The following LZTR1 variants were observed in gnomAD, a reference collection of about 807,000 sequenced individuals.
LZTR1 encodes the protein leucine zipper like post translational regulator 1.
A neutral mutation model predicts 105.7 loss-of-function variants in LZTR1; 260 were observed. That is an observed-to-expected ratio of 2.46 (90% CI 2.22 to 2.72). The LOEUF is 2.72. Among genes scored for constraint, LZTR1 ranks in the 30% most tolerant of loss-of-function variants. The pLI is 0.00. For missense variants in LZTR1, 1,214 were observed against 1,166.9 expected (o/e 1.04, Z -0.59); for synonymous variants, 490 against 476.4 (o/e 1.03, Z -0.37).
At chr22:20,995,668 T>C (rs1008415388) in intron 16 of LZTR1, 78 bp from the exon 17 acceptor site, 5 of 1,557,390 alleles carry the variant, frequency 3.2e-6, no homozygotes, top group African/African-American at 1.4e-5. Flanking sequence ...CATGGGCAGA[T>C]ATGCAGGAAG....
At chr22:20,993,338 G>T in intron 11 of LZTR1, 1 of 490,050 alleles carries the variant, frequency 2.0e-6, no homozygotes, top group Admixed American at 3.3e-5. Flanking sequence ...GTGCTGGTGG[G>T]GGCCAGTGTG....
In LZTR1 at chr22:20,993,819, A is replaced by G. The variant is rs528526369; in HGVS notation, c.1353+65A>G. On this transcript the variant is annotated intron_variant, in intron 12 of 20. Transcript: ENST00000646124. ...CTGGGCAGTGGGAATTTCGCCCCTC[A>G]GAAAAACAGCTGCTGGCCTGGTGGT... is the stretch of plus-strand genomic sequence containing the variant. 2.7e-5 allele frequency: 42 copies of G among 1,574,490 alleles called. No homozygotes were observed. The East Asian group carries it at 8.7e-4, about 32-fold the overall frequency.
intron 8 of LZTR1, 198 bp downstream of exon 8, chr22:20,990,723 A>T: frequency 1.7e-6 from 1 of 586,946 alleles, no homozygotes; most frequent in Non-Finnish European, 2.9e-6. Flanking sequence ...GCTTAGCAAG[A>T]TAAGGCCTGG....
intron 7 of LZTR1, 35 bp from the exon 8 acceptor site, chr22:20,990,351 T>C: frequency 6.2e-7 from 1 of 1,613,472 alleles, no homozygotes; most frequent in South Asian, 1.1e-5. Context: ...GCGGGCCCTG[T>C]GAGGCCGGGG....
intron 9 of LZTR1, among the ~76,000 whole-genome samples, 190 bp downstream of exon 9, chr22:20,992,019 T>G (rs1177612391): frequency 2.0e-5 from 3 of 152,200 alleles, no homozygotes; most frequent in Admixed American, 6.5e-5. Flanking sequence ...CCCCACAGCC[T>G]GCAGGTAGTT....
At chr22:20,994,296 G>T (rs773088734) in intron 14 of LZTR1, 27 bp downstream of exon 14, 3 of 1,593,310 alleles carry the variant, frequency 1.9e-6, no homozygotes, top group Non-Finnish European at 2.5e-6. Flanking sequence ...GTGGAGCAGG[G>T]TTGGTGTGGG....
Position 20,998,410 on chromosome 22 carries a change from C to T in LZTR1, c.*1062C>T, listed in dbSNP as rs1379072567. On this transcript the variant is annotated 3_prime_UTR_variant, in exon 21 of 21. Coordinates refer to ENST00000646124, the MANE Select transcript of LZTR1 (RefSeq NM_006767.4). ...GTGGAAGGAGGGCTGCCCTCTTGCCCTAGTGAGGGCCCCATGTGGATCCAC... is the reference window on the plus strand; with the variant it reads ...GTGGAAGGAGGGCTGCCCTCTTGCCTTAGTGAGGGCCCCATGTGGATCCAC... 6.6e-6 allele frequency: 1 copy of T among 152,336 alleles called. No homozygotes were observed. Among genetic ancestry groups the T allele is most frequent in the Non-Finnish European group, 1.5e-5 (1 of 68,128 alleles). The allele number at this position is 152,336 out of a possible 1,614,324, so 9.4% of individuals were successfully genotyped here.
chr22:20,985,153 C>G (rs575929032), intron 2 of LZTR1, among the ~76,000 whole-genome samples: 1 of 151,344 alleles, frequency 6.6e-6, no homozygotes, highest in African/African-American at 2.4e-5. Flanking sequence ...CTCTGCCTCC[C>G]GGGTTCAAGC....
chr22:20,984,738 G>C (rs1006638738), intron 2 of LZTR1, among the ~76,000 whole-genome samples: 1 of 152,068 alleles, frequency 6.6e-6, no homozygotes, highest in Admixed American at 6.5e-5. Context: ...AGGTGAGAGA[G>C]CACCCACTGG....
At chr22:20,997,129 C>T (rs762852156) in intron 20 of LZTR1, 103 bp from the exon 21 acceptor site, 1 of 1,115,486 alleles carries the variant, frequency 9.0e-7, no homozygotes. Context: ...ATCCTTGGGA[C>T]CAGCCTGAGC....
At chr22:20,989,526 G>C in intron 6 of LZTR1, 99 bp from the exon 7 acceptor site, 1 of 952,474 alleles carries the variant, frequency 1.0e-6, no homozygotes, top group East Asian at 2.4e-5. Context: ...TACCCTGTGT[G>C]GGGGTGGGGC....
intron 1 of LZTR1, among the ~76,000 whole-genome samples, 169 bp from the exon 2 acceptor site, chr22:20,982,858 G>A (rs1348974149): frequency 6.6e-6 from 1 of 152,204 alleles, no homozygotes; most frequent in Non-Finnish European, 1.5e-5. Context: ...CTGGAGCCGT[G>A]TCAGGGGTCC....
intron 4 of LZTR1, 146 bp downstream of exon 4, chr22:20,987,729 A>C: frequency 1.3e-6 from 1 of 767,990 alleles, no homozygotes; most frequent in Non-Finnish European, 2.2e-6. Context: ...AGTCTTCGGA[A>C]TTCTGCGCTG....
intron 18 of LZTR1, 134 bp downstream of exon 18, chr22:20,996,246 G>A: frequency 1.0e-6 from 1 of 995,738 alleles, no homozygotes; most frequent in Non-Finnish European, 1.5e-6. Flanking sequence ...AGGGTTTGCT[G>A]GTGCCTGGGG....
intron 18 of LZTR1, chr22:20,996,410 T>C (rs1351148241): frequency 1.7e-6 from 1 of 591,666 alleles, no homozygotes. Context: ...AGGTACTCCT[T>C]ATGTCACTTC....
At chr22:20,987,782 T>A (rs1049888837) in intron 4 of LZTR1, among the ~76,000 whole-genome samples, 199 bp downstream of exon 4, 1 of 152,222 alleles carries the variant, frequency 6.6e-6, no homozygotes, top group Admixed American at 6.5e-5. Flanking sequence ...CTCACAGGGT[T>A]GGGTGTCTTT....
chr22:20,991,342 G>T, intron 8 of LZTR1: 1 of 478,296 alleles, frequency 2.1e-6, no homozygotes, highest in Non-Finnish European at 3.7e-6. Context: ...CTGCCTGGGC[G>T]GGTCAGATGC....
chr22:20,990,815 A>G, intron 8 of LZTR1: 1 of 377,922 alleles, frequency 2.6e-6, no homozygotes, highest in South Asian at 2.8e-5. Context: ...TGCCACCAGT[A>G]ACAGACGTGG....
At chr22:20,987,719 A>T in intron 4 of LZTR1, 136 bp downstream of exon 4, 1 of 817,322 alleles carries the variant, frequency 1.2e-6, no homozygotes, top group South Asian at 1.5e-5. Flanking sequence ...TTTGTCTGCC[A>T]GTCTTCGGAA....
Sources: gnomAD v4.1 joint callset for allele counts (sites outside exome capture counted in the v4.1 genomes callset) on GRCh38, gnomAD v4.1.1 for gene constraint, MANE v1.5 for transcripts, NCBI Gene and HGNC (gene_info 2026-07-23, HGNC 2026-07-21) for gene names.